Variants in TRIM5 observed in about 807,000 individuals in gnomAD.
The protein encoded by TRIM5 is tripartite motif containing 5.
A neutral mutation model predicts 35.6 loss-of-function variants in TRIM5; 31 were observed. The ratio of observed to expected loss-of-function variants is 0.87; its 90% confidence interval spans 0.65 to 1.18. The LOEUF is 1.18. Among genes scored for constraint, TRIM5 ranks in the 50% most tolerant of loss-of-function variants. TRIM5 has a pLI of 0.00. For synonymous variants in TRIM5, 243 were observed against 215.6 expected (o/e 1.13, Z -1.11); for missense variants, 609 against 591.6 (o/e 1.03, Z -0.31).
At chr11:5,610,829 A>G in the TRIM5 span, 2 of 1,614,180 alleles carry the variant, frequency 1.2e-6, no homozygotes, top group Non-Finnish European at 1.7e-6. Flanking sequence ...TCCTGGCTAA[A>G]AACCGGAGAC....
chr11:5,589,309 C>T, the TRIM5 span: 2 of 151,358 alleles, frequency 1.3e-5, no homozygotes, highest in African/African-American at 2.4e-5. Flanking sequence ...AGCTTTGTAT[C>T]GTCTTTGAGG....
chr11:5,682,890 C>T (rs896743987), intron 1 of TRIM5, among the ~76,000 whole-genome samples: 3 of 152,248 alleles, frequency 2.0e-5, no homozygotes, highest in African/African-American at 7.2e-5. Flanking sequence ...GTGGGAGCCC[C>T]TTTCTGGGCT....
the TRIM5 span, among the ~76,000 whole-genome samples, chr11:5,623,584 G>A: frequency 2.2e-5 from 3 of 139,000 alleles, no homozygotes; most frequent in Admixed American, 1.5e-4. Context: ...GTTTCACCAT[G>A]TTAGCCAGGG....
In TRIM5 at chr11:5,663,246, A is replaced by G. The variant is rs1046829740; in HGVS notation, c.*1563T>C. The G allele has an allele frequency of 1.1e-6, 1 of 950,454 alleles. No homozygotes were observed. The allele number at this position is 950,454 out of a possible 1,614,324, so 58.9% of individuals were successfully genotyped here. ...AAACTCGTTTAACTTTTAAAAAACT[A>G]CATCAGCTAATTTTATTATAATTAT... is the stretch of plus-strand genomic sequence containing the variant. On this transcript the variant is annotated 3_prime_UTR_variant, in exon 8 of 8. Transcript: ENST00000380034.
At chr11:5,639,679 C>CA in the TRIM5 span, among the ~76,000 whole-genome samples, 817 of 51,132 alleles carry the variant, frequency 0.016, 136 homozygotes, top group South Asian at 0.038. Flanking sequence ...GACTCTATTT[C>CA]AAAAAAAAAA....
the TRIM5 span, among the ~76,000 whole-genome samples, chr11:5,603,056 A>T: frequency 2.6e-5 from 4 of 152,208 alleles, no homozygotes; most frequent in Admixed American, 6.5e-5. Flanking sequence ...AGAGGAAATT[A>T]TCACTGCTTT....
At chr11:5,596,108 CCT>C in the TRIM5 span, 2 of 152,510 alleles carry the variant, frequency 1.3e-5, no homozygotes, top group Admixed American at 1.3e-4. Context: ...CCCCTTCCCC[CCT>C]GAGTCTTTCG....
the TRIM5 span, chr11:5,641,246 A>G: frequency 6.2e-7 from 1 of 1,612,236 alleles, no homozygotes; most frequent in Non-Finnish European, 8.5e-7. Context: ...GTTTGTAGCT[A>G]TTAGAGTTAT....
At chr11:5,631,178 G>GT in the TRIM5 span, among the ~76,000 whole-genome samples, 4 of 152,116 alleles carry the variant, frequency 2.6e-5, no homozygotes, top group Non-Finnish European at 5.9e-5. Flanking sequence ...ATCAACCTCT[G>GT]TAACATCCTT....
rs542292185 is a variant in TRIM5, at chr11:5,675,560, C to T, written c.744+2644G>A. Among the ~76,000 whole-genome samples, 462 of 152,140 alleles carry T rather than the reference C, an allele frequency of 3.0e-3. 3 individuals are homozygous for T. Among genetic ancestry groups the T allele is most frequent in the African/African-American group, 9.8e-3 (408 of 41,504 alleles). On this transcript the variant is annotated intron_variant, in intron 4 of 7. Coordinates refer to ENST00000380034, the MANE Select transcript of TRIM5 (RefSeq NM_033034.3). ...CCCACCAAACCTCCTGGGAATGCCC[C>T]AGAATCTCTGCCCGAAACACTGAGA...
rs1179205283 is a variant in TRIM5 at position 5,679,931 on chromosome 11, C to A, written c.247G>T (p.Val83Phe). ...TTCTGCCCCTCTGGGCTCAACTTGA[C>A]CTCCCTGAGCTTCTCCACTATGTTG... ...VANIVEKLRE[V>F]KLSPEGQKVD... The change falls in exon 2 of 8, where the codon GTC becomes TTC. Residue 83 changes from valine (V) to phenylalanine (F), a missense_variant. Val to Phe is a conservative substitution (Grantham distance 50, BLOSUM62 -1). Transcript: ENST00000380034. 6.2e-7 allele frequency: 1 copy of A among 1,614,128 alleles called. No individual in the cohort carries two copies. The highest frequency in any genetic ancestry group is 1.7e-5 in the Admixed American group (1 of 60,016).
At chr11:5,634,530 C>CACACACACACACACAT in the TRIM5 span, 25 of 262,018 alleles carry the variant, frequency 9.5e-5, no homozygotes, top group African/African-American at 7.2e-4. Flanking sequence ...CACACACACA[C>CACACACACACACACAT]ATATATATAT....
chr11:5,657,955 T>C, the TRIM5 span, among the ~76,000 whole-genome samples: 1 of 151,740 alleles, frequency 6.6e-6, no homozygotes, highest in Non-Finnish European at 1.5e-5. Context: ...TTTTTCCCAT[T>C]CAGAATGACA....
chr11:5,604,373 A>G, the TRIM5 span, among the ~76,000 whole-genome samples: 67,792 of 151,942 alleles, frequency 0.45, 15,643 homozygotes, highest in East Asian at 0.68. Context: ...TTTTCATCCC[A>G]TGTATATATA....
chr11:5,622,431 C>T, the TRIM5 span, among the ~76,000 whole-genome samples: 189 of 142,952 alleles, frequency 1.3e-3, no homozygotes, highest in African/African-American at 3.2e-3. Flanking sequence ...GGCGACAGAG[C>T]GAGACTACCT....
At chr11:5,626,426 A>G in the TRIM5 span, among the ~76,000 whole-genome samples, 22 of 152,362 alleles carry the variant, frequency 1.4e-4, no homozygotes, top group East Asian at 2.1e-3. Flanking sequence ...GCAACTTTAA[A>G]TAGTTTTTAT....
chr11:5,636,621 A>C, the TRIM5 span, among the ~76,000 whole-genome samples: 2 of 152,188 alleles, frequency 1.3e-5, no homozygotes, highest in Non-Finnish European at 2.9e-5. Context: ...CCTTCACAAA[A>C]GAACACTGTG....
At chr11:5,656,175 G>A in the TRIM5 span, among the ~76,000 whole-genome samples, 5 of 152,238 alleles carry the variant, frequency 3.3e-5, no homozygotes, top group East Asian at 3.9e-4. Context: ...AAACAAAAGC[G>A]TTTCTGCACA....
At chr11:5,634,005 C>A in the TRIM5 span, 1 of 1,181,758 alleles carries the variant, frequency 8.5e-7, no homozygotes. Flanking sequence ...GTCCTGAAGC[C>A]ATTTGATTAG....
Sources: allele counts gnomAD v4.1 joint callset (sites outside exome capture counted in the v4.1 genomes callset), GRCh38; gene constraint gnomAD v4.1.1; transcripts MANE v1.5; gene names NCBI Gene and HGNC (gene_info 2026-07-23, HGNC 2026-07-21).